Variants in PTGER4 observed in about 807,000 individuals in gnomAD.
PTGER4 encodes prostaglandin E2 receptor EP4 subtype.
A neutral mutation model predicts 33.2 loss-of-function variants in PTGER4; 11 were observed. The observed-to-expected ratio is 0.33, with a 90% CI of 0.21 to 0.55. The LOEUF is 0.55. Among genes scored for constraint, PTGER4 ranks in the 20% least tolerant of loss-of-function variants. The pLI, the probability that PTGER4 is intolerant of heterozygous loss-of-function variation, is 0.92. For missense variants in PTGER4, 481 were observed against 650.2 expected, an observed-to-expected ratio of 0.74 and a Z score of 2.83; for synonymous variants, 275 against 281.5, an observed-to-expected ratio of 0.98 and a Z score of 0.23.
the PTGER4 span, among the ~76,000 whole-genome samples, chr5:40,740,034 G>T: frequency 6.6e-6 from 1 of 151,642 alleles, no homozygotes; most frequent in Non-Finnish European, 1.5e-5. Context: ...TTTCTCTAGG[G>T]TCTAGGTTTG....
the PTGER4 span, among the ~76,000 whole-genome samples, chr5:40,725,784 C>CTTTTTT: frequency 1.6e-5 from 2 of 126,066 alleles, no homozygotes; most frequent in Admixed American, 8.1e-5. Flanking sequence ...TTCTCTTCAG[C>CTTTTTT]TTTTTTTTTT....
At chr5:40,689,924 C>A (rs1741427842) in intron 2 of PTGER4, among the ~76,000 whole-genome samples, 1 of 151,962 alleles carries the variant, frequency 6.6e-6, no homozygotes, top group African/African-American at 2.4e-5. Context: ...ATTTCTATTT[C>A]TATTTCTATG....
At chr5:40,745,187 C>T in the PTGER4 span, among the ~76,000 whole-genome samples, 1 of 152,050 alleles carries the variant, frequency 6.6e-6, no homozygotes, top group Non-Finnish European at 1.5e-5. Context: ...CTCCTTAGAT[C>T]CTGGTTTTAA....
At chr5:40,739,009 T>C in the PTGER4 span, among the ~76,000 whole-genome samples, 1 of 152,180 alleles carries the variant, frequency 6.6e-6, no homozygotes, top group African/African-American at 2.4e-5. Flanking sequence ...ACTTTTCATG[T>C]TCTCAATTAA....
chr5:40,709,067 G>A, the PTGER4 span, among the ~76,000 whole-genome samples: 5 of 152,236 alleles, frequency 3.3e-5, no homozygotes, highest in South Asian at 1.0e-3. Flanking sequence ...CAAACCCACA[G>A]CCAATATCAT....
the PTGER4 span, chr5:40,728,333 T>C: frequency 1.3e-6 from 2 of 1,549,926 alleles, no homozygotes; most frequent in Non-Finnish European, 1.7e-6. Flanking sequence ...TATAATAATC[T>C]GACTTCCTCA....
At chr5:40,690,200 C>T (rs963506163) in intron 2 of PTGER4, among the ~76,000 whole-genome samples, 1 of 152,028 alleles carries the variant, frequency 6.6e-6, no homozygotes, top group African/African-American at 2.4e-5. Context: ...GTTAGCCAGG[C>T]ATGATGGCAC....
At chr5:40,709,062 C>G in the PTGER4 span, among the ~76,000 whole-genome samples, 1 of 152,090 alleles carries the variant, frequency 6.6e-6, no homozygotes, top group Non-Finnish European at 1.5e-5. Context: ...TATGACAAAC[C>G]CACAGCCAAT....
the PTGER4 span, among the ~76,000 whole-genome samples, chr5:40,724,614 C>G: frequency 6.6e-6 from 1 of 151,638 alleles, no homozygotes; most frequent in African/African-American, 2.4e-5. Context: ...GCCTGGGGAA[C>G]AGAGCGAGAC....
chr5:40,738,539 C>CAATAAAATACAATAA, the PTGER4 span, among the ~76,000 whole-genome samples: 20 of 67,438 alleles, frequency 3.0e-4, no homozygotes, highest in African/African-American at 5.2e-4. Flanking sequence ...CAATAAAATA[C>CAATAAAATACAATAA]AATAAAATAA....
the PTGER4 span, among the ~76,000 whole-genome samples, chr5:40,738,449 C>A: frequency 5.0e-4 from 42 of 83,624 alleles, no homozygotes; most frequent in African/African-American, 1.7e-3. Flanking sequence ...AAATAAAATA[C>A]AATACAATAC....
chr5:40,707,741 C>T, the PTGER4 span, among the ~76,000 whole-genome samples: 16 of 152,186 alleles, frequency 1.1e-4, no homozygotes, highest in African/African-American at 3.9e-4. Context: ...ATTCTCAGCA[C>T]CACACCACAC....
chr5:40,687,444 G>T (rs1249043467), intron 2 of PTGER4, among the ~76,000 whole-genome samples: 1 of 152,160 alleles, frequency 6.6e-6, no homozygotes, highest in African/African-American at 2.4e-5. Context: ...TATAGGGCCT[G>T]TTGGACAAGA....
downstream of PTGER4, among the ~76,000 whole-genome samples, chr5:40,695,734 G>A (rs898035393): frequency 6.6e-6 from 1 of 152,038 alleles, no homozygotes; most frequent in Non-Finnish European, 1.5e-5. Flanking sequence ...ATGGTACTTT[G>A]TGCGGTCATA....
chr5:40,716,249 T>C, the PTGER4 span: 2 of 1,614,244 alleles, frequency 1.2e-6, no homozygotes, highest in Non-Finnish European at 8.5e-7. Context: ...ACCATTGTTT[T>C]ATTTGCTGAA....
In PTGER4 at chr5:40,691,306, C is replaced by T. The variant is rs1240071625; in HGVS notation, c.868-473C>T. ...AAATGATTCTCCTGCCTCAGCCTCC[C>T]GAGTAGCTGGGACTACAGGCGCATG... On this transcript the variant is annotated intron_variant, in intron 2 of 2. Transcript: ENST00000302472. The surrounding 1 kb of genome is among the most constrained non-coding windows in gnomAD (Gnocchi z 4.2). Among the ~76,000 whole-genome samples, 5 of 152,204 alleles carry T rather than the reference C, an allele frequency of 3.3e-5. No individual in the cohort carries two copies. The East Asian group carries it at 7.7e-4, about 24-fold the overall frequency.
At chr5:40,697,040 AAAGG>A (rs1309192922), downstream of PTGER4, among the ~76,000 whole-genome samples, 14 of 148,828 alleles carry the variant, frequency 9.4e-5, no homozygotes, top group African/African-American at 2.5e-4. Flanking sequence ...AGAAGGAAAG[AAAGG>A]AAGGAAGGAA....
At chr5:40,685,910 A>G (rs1302880200) in intron 2 of PTGER4, among the ~76,000 whole-genome samples, 1 of 152,194 alleles carries the variant, frequency 6.6e-6, no homozygotes, top group Non-Finnish European at 1.5e-5. Flanking sequence ...GTCTCCTATC[A>G]GAATATTCAA....
the PTGER4 span, chr5:40,730,251 A>C: frequency 1.9e-6 from 3 of 1,588,760 alleles, no homozygotes; most frequent in South Asian, 2.3e-5. Flanking sequence ...GAAATTCTTC[A>C]TAATTATTAC....
Sources: allele counts gnomAD v4.1 joint callset (sites outside exome capture counted in the v4.1 genomes callset), GRCh38; gene constraint gnomAD v4.1.1; non-coding constraint Gnocchi (gnomAD v3.1); transcripts MANE v1.5; gene names NCBI Gene and HGNC (gene_info 2026-07-23, HGNC 2026-07-21).